SPNS2: variants seen among roughly 807,000 people sequenced by gnomAD.
SPNS2 encodes SPNS lysolipid transporter 2, sphingosine-1-phosphate.
In SPNS2, 37 loss-of-function variants were observed where a neutral mutation model predicts 57.6. The observed-to-expected ratio is 0.64, with a 90% CI of 0.49 to 0.85. The LOEUF (loss-of-function observed/expected upper bound fraction) is 0.85. Among genes scored for constraint, SPNS2 ranks in the 40% least tolerant of loss-of-function variants. The pLI is 0.00. For missense variants in SPNS2, 831 were observed against 779.1 expected (o/e 1.07, Z -0.79); for synonymous variants, 440 against 346.9 (o/e 1.27, Z -2.98).
intron 9 of SPNS2, among the ~76,000 whole-genome samples, chr17:4,535,472 T>C (rs1456591272): frequency 1.3e-5 from 2 of 152,104 alleles, no homozygotes; most frequent in Non-Finnish European, 2.9e-5. Flanking sequence ...AACATGTGCC[T>C]CTCTAGACCT....
chr17:4,529,299 C>T (rs1366319666), intron 3 of SPNS2, among the ~76,000 whole-genome samples: 1 of 152,008 alleles, frequency 6.6e-6, no homozygotes, highest in Admixed American at 6.5e-5. Flanking sequence ...AGGCTGGTCT[C>T]GAACTCCTGG....
intron 2 of SPNS2, among the ~76,000 whole-genome samples, chr17:4,518,655 G>A (rs1466610275): frequency 6.6e-6 from 1 of 152,204 alleles, no homozygotes; most frequent in East Asian, 1.9e-4. Context: ...TCACGAGGAA[G>A]TGCCAGGATG....
chr17:4,523,844 A>G (rs1905200763), intron 2 of SPNS2, among the ~76,000 whole-genome samples: 1 of 152,152 alleles, frequency 6.6e-6, no homozygotes, highest in South Asian at 2.1e-4. Flanking sequence ...CCATCTGACA[A>G]GCTGTGTTAT....
chr17:4,522,431 G>T (rs559353870), intron 2 of SPNS2, among the ~76,000 whole-genome samples: 6 of 152,256 alleles, frequency 3.9e-5, no homozygotes, highest in African/African-American at 1.4e-4. Flanking sequence ...GAATTAACAG[G>T]TCTGCTCGTA....
In SPNS2 at chr17:4,536,433, G is replaced by GT; in HGVS notation, c.1607+7_1607+8insT. ...GCGCCAGGGCTGAGCAGCAGTGAGTGGGGGGGAGGGGAGGCCCTGCTGCAC... is the reference window on the plus strand; with the variant it reads ...GCGCCAGGGCTGAGCAGCAGTGAGTGTGGGGGGAGGGGAGGCCCTGCTGCAC... On this transcript the variant is annotated splice_region_variant and intron_variant, in intron 11 of 12. Transcript: ENST00000329078. The GT allele has an allele frequency of 6.7e-7, 1 of 1,500,366 alleles. No individual in the cohort carries two copies. The highest frequency in any genetic ancestry group is 8.9e-7 in the Non-Finnish European group (1 of 1,119,268). 92.9% of individuals were successfully genotyped at this position (1,500,366 alleles called of 1,614,324 possible). A position where few individuals can be genotyped will look rare whatever the true frequency, so the allele number is the denominator to read the frequency against.
At chr17:4,530,809 G>T in intron 4 of SPNS2, 26 bp downstream of exon 4, 3 of 1,603,764 alleles carry the variant, frequency 1.9e-6, no homozygotes, top group Non-Finnish European at 2.6e-6. Context: ...GCCAGGGTCT[G>T]GGTGAGGATC....
rs1378159113 is a variant in SPNS2 at position 4,538,119 on chromosome 17, C to T, written c.*671C>T. The T allele has an allele frequency of 6.4e-6, 2 of 314,540 alleles. No homozygotes were observed. Among genetic ancestry groups the T allele is most frequent in the Non-Finnish European group, 1.3e-5 (2 of 158,718 alleles). The allele number at this position is 314,540 out of a possible 1,614,324, so 19.5% of individuals were successfully genotyped here. The stretch of plus-strand genomic sequence containing the variant: ...CTGGAGGTCCCAGATGGGGACTGTT[C>T]TGACAAGCTGGCATCACCAGGGGTG... On this transcript the variant is annotated 3_prime_UTR_variant, in exon 13 of 13. Coordinates refer to ENST00000329078, the MANE Select transcript of SPNS2 (RefSeq NM_001124758.3).
At chr17:4,526,714 T>C (rs1388971176) in intron 3 of SPNS2, among the ~76,000 whole-genome samples, 1 of 152,152 alleles carries the variant, frequency 6.6e-6, no homozygotes, top group Non-Finnish European at 1.5e-5. Context: ...GGCCTGGGCT[T>C]CCTTCTGTGG....
rs766047381 is a variant in SPNS2, at chr17:4,536,985, G to A, written c.*4+39G>A. ...GGGAGGCACGTGGGGGCTCCCTAAGGAAAGGGGAAGGCCAGGGTTAGGCAA... is the reference window on the plus strand; with the variant it reads ...GGGAGGCACGTGGGGGCTCCCTAAGAAAAGGGGAAGGCCAGGGTTAGGCAA... On this transcript the variant is annotated intron_variant, in intron 12 of 12. Coordinates refer to ENST00000329078, the MANE Select transcript of SPNS2 (RefSeq NM_001124758.3). 125 of 1,608,598 alleles carry A rather than the reference G, an allele frequency of 7.8e-5. No individual in the cohort carries two copies. The East Asian group carries it at 2.8e-3, about 36-fold the overall frequency.
intron 2 of SPNS2, among the ~76,000 whole-genome samples, chr17:4,516,403 C>A (rs973959133): frequency 6.6e-6 from 1 of 151,974 alleles, no homozygotes; most frequent in Non-Finnish European, 1.5e-5. Context: ...ATGGCCTACA[C>A]CTAGAGAAGC....
chr17:4,510,133 G>A lies in SPNS2; in HGVS notation c.371-3114G>A, dbSNP rs1432267800. On this transcript the variant is annotated intron_variant, in intron 1 of 12. Coordinates refer to ENST00000329078, the MANE Select transcript of SPNS2 (RefSeq NM_001124758.3). The surrounding 1 kb of genome is among the most constrained non-coding windows in gnomAD (Gnocchi z 4.4). ...GGGATCTCACCCTCCTGTGGCTGTG[G>A]CCGCCTCCAGGCCCGGAAGAGGGAA... Among the ~76,000 whole-genome samples the A allele has an allele frequency of 1.3e-5, 2 of 152,274 alleles. No homozygotes were observed. The highest frequency in any genetic ancestry group is 2.9e-5 in the Non-Finnish European group (2 of 68,054).
chr17:4,501,528 C>T (rs115993118), intron 1 of SPNS2, among the ~76,000 whole-genome samples: 1,767 of 152,188 alleles, frequency 0.012, 28 homozygotes, highest in African/African-American at 0.04. Flanking sequence ...CTGGGCTGTG[C>T]CTCCCTCCCT....
intron 3 of SPNS2, 138 bp from the exon 4 acceptor site, chr17:4,530,494 G>A: frequency 2.0e-6 from 2 of 1,002,628 alleles, no homozygotes; most frequent in Non-Finnish European, 3.0e-6. Flanking sequence ...TCTTTACGGA[G>A]GTGCAGCCCA....
rs1906032962 is a variant in SPNS2 at position 4,538,793 on chromosome 17, CAAG to C, written c.*1347_*1349del. 3 of 754,348 alleles carry C rather than the reference CAAG, an allele frequency of 4.0e-6. No individual in the cohort carries two copies. Among genetic ancestry groups the C allele is most frequent in the Non-Finnish European group, 7.3e-6 (3 of 410,702 alleles). 46.7% of individuals were successfully genotyped at this position (754,348 alleles called of 1,614,324 possible). On this transcript the variant is annotated 3_prime_UTR_variant, in exon 13 of 13. Transcript: ENST00000329078. The stretch of plus-strand genomic sequence containing the variant: ...GCTCTGGGGTACCCCGAGGGCCTGA[CAAG>C]AGGATGGGGTGGGGGTGGCATCCTC...
rs1905535491 is a variant in SPNS2, at chr17:4,532,544, G to A, written c.795G>A (p.Val265=). The A allele has an allele frequency of 7.4e-6, 12 of 1,614,052 alleles. No individual in the cohort carries two copies. Among genetic ancestry groups the A allele is most frequent in the South Asian group, 1.1e-5 (1 of 91,090 alleles). ...AAGDWHWALR[V]SPVLGMITGT... ...CCTAACTTCCTGCTCTCTGGCAGGT[G>A]TCCCCTGTCCTGGGCATGATCACAG... is the stretch of plus-strand genomic sequence containing the variant. Residue 265 remains valine (V), a splice_region_variant and synonymous_variant, in exon 6 of 13, where the codon GTG becomes GTA. Coordinates refer to ENST00000329078, the MANE Select transcript of SPNS2 (RefSeq NM_001124758.3).
Position 4,510,499 on chromosome 17 carries a change from C to CGCTGGATA in SPNS2, c.371-2739_371-2732dup, listed in dbSNP as rs1904801944. Among the ~76,000 whole-genome samples, 1 of 152,124 alleles carries CGCTGGATA rather than the reference C, an allele frequency of 6.6e-6. No homozygotes were observed. Among genetic ancestry groups the CGCTGGATA allele is most frequent in the African/African-American group, 2.4e-5 (1 of 41,398 alleles). Reference sequence around the variant, plus strand: ...GAAGTCATCGGATGGGGAAGTGTGCCGCTGGATAGCTGGATACTGCAGGGA... The same window carrying CGCTGGATA: ...GAAGTCATCGGATGGGGAAGTGTGCCGCTGGATAGCTGGATAGCTGGATACTGCAGGGA... On this transcript the variant is annotated intron_variant, in intron 1 of 12. Coordinates refer to ENST00000329078, the MANE Select transcript of SPNS2 (RefSeq NM_001124758.3). The surrounding 1 kb of genome is among the most constrained non-coding windows in gnomAD (Gnocchi z 4.4).
intron 1 of SPNS2, among the ~76,000 whole-genome samples, chr17:4,505,868 C>T (rs1465321206): frequency 6.6e-6 from 1 of 152,184 alleles, no homozygotes; most frequent in Non-Finnish European, 1.5e-5. Flanking sequence ...TAGGGTCTCC[C>T]CACTCCCACT....
Position 4,533,262 on chromosome 17 carries a change from A to G in SPNS2, c.1108A>G (p.Thr370Ala), listed in dbSNP as rs1905584053. 1 of 1,605,314 alleles carries G rather than the reference A, an allele frequency of 6.2e-7. No homozygotes were observed. Among genetic ancestry groups the G allele is most frequent in the African/African-American group, 1.3e-5 (1 of 74,646 alleles). The change falls in exon 8 of 13, where the codon ACC (threonine) becomes GCC (alanine). Residue 370 changes from threonine to alanine, a missense_variant. Physicochemically the swap from Thr to Ala is moderately conservative, Grantham distance 58 (BLOSUM62 0). Transcript: ENST00000329078. The part of the protein sequence containing the change: ...AKDSLIFGAI[T>A]CFTGFLGVVT... ...CCACAGCCTCATCTTTGGGGCCATC[A>G]CCTGCTTTACGGGATTTCTGGGCGT... is the stretch of plus-strand genomic sequence containing the variant.
chr17:4,504,282 G>A (rs1904613302), intron 1 of SPNS2, among the ~76,000 whole-genome samples: 1 of 152,242 alleles, frequency 6.6e-6, no homozygotes, highest in Non-Finnish European at 1.5e-5. Flanking sequence ...TCAGCACCCA[G>A]GTGAAGCGCC....
Sources: gnomAD v4.1 joint callset for allele counts (sites outside exome capture counted in the v4.1 genomes callset) on GRCh38, gnomAD v4.1.1 for gene constraint, Gnocchi (gnomAD v3.1) non-coding constraint, MANE v1.5 for transcripts, NCBI Gene and HGNC (gene_info 2026-07-23, HGNC 2026-07-21) for gene names.